FHIT: variants seen among roughly 807,000 people sequenced by gnomAD.
FHIT encodes bis(5'-adenosyl)-triphosphatase.
A neutral mutation model predicts 17.9 loss-of-function variants in FHIT; 19 were observed. The ratio of observed to expected loss-of-function variants is 1.06; its 90% CI spans 0.74 to 1.56. FHIT has a LOEUF of 1.56. Among genes scored for constraint, FHIT ranks in the 40% most tolerant of loss-of-function variants. The pLI is 0.00. For synonymous variants in FHIT, 81 were observed against 69.7 expected (o/e 1.16, Z -0.81); for missense variants, 248 against 189.2 (o/e 1.31, Z -1.82).
intron 5 of FHIT, among the ~76,000 whole-genome samples, chr3:60,223,275 G>T (rs1378120773): frequency 4.6e-5 from 7 of 152,050 alleles, no homozygotes; most frequent in African/African-American, 1.4e-4. Context: ...AATGTATTTT[G>T]CAGGGGAGGA....
At chr3:60,860,156 G>GT (rs1703594372) in intron 3 of FHIT, among the ~76,000 whole-genome samples, 2 of 74,904 alleles carry the variant, frequency 2.7e-5, no homozygotes, top group Non-Finnish European at 5.3e-5. Flanking sequence ...TGGTATATAT[G>GT]ATATACATCA....
At chr3:60,195,553 A>ATATATATATATATATATATTTATATATT (rs148013554) in intron 5 of FHIT, among the ~76,000 whole-genome samples, 4 of 136,508 alleles carry the variant, frequency 2.9e-5, no homozygotes, top group Non-Finnish European at 4.6e-5. Context: ...TGTGATATAT[A>ATATATATATATATATATATTTATATATT]TATATATTTA....
chr3:60,457,493 G>T lies in FHIT; in HGVS notation c.103+79367C>A, dbSNP rs555549382. Among the ~76,000 whole-genome samples, 7 of 152,038 alleles carry T rather than the reference G, an allele frequency of 4.6e-5. No individual in the cohort carries two copies. In the South Asian group the frequency reaches 1.5e-3, roughly 32 times the overall value. ...CATAAAAACCCTAGAAGAAAACCTA[G>T]GCAATACCATTCAGGACATAGGCAT... On this transcript the variant is annotated intron_variant, in intron 5 of 9. Transcript: ENST00000492590.
At chr3:59,957,993 A>T (rs767650925) in intron 7 of FHIT, among the ~76,000 whole-genome samples, 1 of 152,224 alleles carries the variant, frequency 6.6e-6, no homozygotes, top group Admixed American at 6.5e-5. Flanking sequence ...ATGTGTGTGT[A>T]ACTGTGTGGG....
chr3:60,742,833 T>A (rs1358643978), intron 4 of FHIT, among the ~76,000 whole-genome samples: 1 of 152,124 alleles, frequency 6.6e-6, no homozygotes, highest in Admixed American at 6.5e-5. Flanking sequence ...ACCATGACAA[T>A]CACAACTAAT....
At chr3:60,507,326 G>A (rs546654573) in intron 5 of FHIT, among the ~76,000 whole-genome samples, 11 of 152,136 alleles carry the variant, frequency 7.2e-5, no homozygotes, top group Non-Finnish European at 1.3e-4. Context: ...AGGCTAGTAT[G>A]GCTGGGCATG....
intron 3 of FHIT, among the ~76,000 whole-genome samples, chr3:60,974,045 T>C (rs1710135391): frequency 6.6e-6 from 1 of 152,140 alleles, no homozygotes; most frequent in Non-Finnish European, 1.5e-5. Flanking sequence ...ACACAATTCA[T>C]AGGCTCAGAG....
At chr3:60,749,171 A>G (rs1301646370) in intron 4 of FHIT, among the ~76,000 whole-genome samples, 1 of 151,728 alleles carries the variant, frequency 6.6e-6, no homozygotes, top group Non-Finnish European at 1.5e-5. Flanking sequence ...AGGCTATAAA[A>G]CTCCCCCAGA....
In FHIT at chr3:60,238,447, C is replaced by CAAAAAAA. The variant is rs374701930; in HGVS notation, c.104-224302_104-224296dup. ...ATACCACTCAACTAGCTGTACTAAG[C>CAAAAAAA]AAAAAAAAAAAAAAAAAGTCACAGC... On this transcript the variant is annotated intron_variant, in intron 5 of 9. Transcript: ENST00000492590. Among the ~76,000 whole-genome samples the CAAAAAAA allele has an allele frequency of 1.5e-4, 18 of 117,504 alleles. 2 individuals carry two copies. Among genetic ancestry groups the CAAAAAAA allele is most frequent in the East Asian group, 2.4e-4 (1 of 4,096 alleles). 77.1% of individuals were successfully genotyped at this position (117,504 alleles called of 152,430 possible).
chr3:60,210,284 CT>C (rs1418391489), intron 5 of FHIT, among the ~76,000 whole-genome samples: 1 of 152,014 alleles, frequency 6.6e-6, no homozygotes, highest in Admixed American at 6.6e-5. Flanking sequence ...ATTCCTTAGA[CT>C]TTAAACCAGG....
At chr3:60,882,306 A>G (rs1279710879) in intron 3 of FHIT, among the ~76,000 whole-genome samples, 1 of 152,196 alleles carries the variant, frequency 6.6e-6, no homozygotes, top group Non-Finnish European at 1.5e-5. Context: ...CATTTAAAGA[A>G]GAACTAATGC....
intron 5 of FHIT, among the ~76,000 whole-genome samples, chr3:60,364,373 C>T (rs1309277744): frequency 1.3e-5 from 2 of 152,196 alleles, no homozygotes; most frequent in Admixed American, 1.3e-4. Context: ...TTGCCATGGG[C>T]AAAATAATGG....
chr3:59,767,299 G>C (rs1383464677), intron 8 of FHIT, among the ~76,000 whole-genome samples: 1 of 152,174 alleles, frequency 6.6e-6, no homozygotes, highest in Non-Finnish European at 1.5e-5. Flanking sequence ...AGGAGTTCGA[G>C]ACCAGCCTGG....
intron 4 of FHIT, among the ~76,000 whole-genome samples, chr3:60,759,956 T>C (rs1440922692): frequency 6.6e-6 from 1 of 152,070 alleles, no homozygotes; most frequent in African/African-American, 2.4e-5. Context: ...TTTTCCTTCC[T>C]TCCTGCTTGC....
At chr3:59,852,274 C>T (rs749347838) in intron 8 of FHIT, among the ~76,000 whole-genome samples, 2 of 152,110 alleles carry the variant, frequency 1.3e-5, no homozygotes, top group African/African-American at 4.8e-5. Flanking sequence ...AGTAATATTA[C>T]CCCCATCGAC....
intron 5 of FHIT, among the ~76,000 whole-genome samples, chr3:60,219,996 C>T (rs1366280349): frequency 6.6e-6 from 1 of 152,072 alleles, no homozygotes; most frequent in African/African-American, 2.4e-5. Context: ...TTTGGAGTGG[C>T]TCATGGACAT....
At chr3:60,582,752 G>A (rs2037786765) in intron 4 of FHIT, among the ~76,000 whole-genome samples, 1 of 152,066 alleles carries the variant, frequency 6.6e-6, no homozygotes, top group Non-Finnish European at 1.5e-5. Context: ...ACCCTGGGGT[G>A]TACAAACATA....
chr3:60,177,008 T>G (rs1352817368), intron 5 of FHIT, among the ~76,000 whole-genome samples: 1 of 150,852 alleles, frequency 6.6e-6, no homozygotes, highest in East Asian at 2.0e-4. Context: ...AAATACAACA[T>G]AAAATTGTGG....
At chr3:60,628,052 T>A (rs2107766429) in intron 4 of FHIT, among the ~76,000 whole-genome samples, 1 of 152,358 alleles carries the variant, frequency 6.6e-6, no homozygotes, top group Non-Finnish European at 1.5e-5. Context: ...CATAGGTTAC[T>A]GATTTGAGAT....
Sources: allele counts gnomAD v4.1 joint callset (sites outside exome capture counted in the v4.1 genomes callset), GRCh38; gene constraint gnomAD v4.1.1; transcripts MANE v1.5; gene names NCBI Gene and HGNC (gene_info 2026-07-23, HGNC 2026-07-21).